The following TFRC variants were observed in gnomAD, a reference collection of about 807,000 sequenced individuals.
TFRC encodes transferrin receptor.
A neutral mutation model predicts 85.8 loss-of-function variants in TFRC; 35 were observed. That is an observed-to-expected ratio of 0.41 (90% confidence interval 0.31 to 0.54). The LOEUF (loss-of-function observed/expected upper bound fraction) is 0.54. TFRC is among the 20% of genes least tolerant of loss of function. TFRC has a pLI of 0.31. For missense variants in TFRC, 828 were observed against 921.5 expected, an observed-to-expected ratio of 0.90 and a Z score of 1.31; for synonymous variants, 362 against 328.6, an observed-to-expected ratio of 1.10 and a Z score of -1.10.
In TFRC at chr3:196,065,383, T is replaced by C. The variant is rs1717631202; in HGVS notation, c.1198+60A>G. ...CTCGCTCCTTCTCTAGCCACATCCT[T>C]AGGAACAGAAAAGAAAACAAAAAAA... On this transcript the variant is annotated intron_variant, in intron 10 of 18. Transcript: ENST00000360110. The C allele has an allele frequency of 3.0e-6, 3 of 1,008,420 alleles. No individual in the cohort carries two copies. In the East Asian group the frequency reaches 9.7e-5, roughly 33 times the overall value. The allele number at this position is 1,008,420 out of a possible 1,614,324, so 62.5% of individuals were successfully genotyped here.
chr3:196,065,422 G>GGGGGT (rs1717644905), intron 10 of TFRC, 21 bp downstream of exon 10: 1 of 501,656 alleles, frequency 2.0e-6, no homozygotes, highest in Non-Finnish European at 2.7e-6. Context: ...CGGGGCGGGG[G>GGGGGT]GGGGGGGGGG....
In TFRC at chr3:196,062,639, G is replaced by A. The variant is rs1577229787; in HGVS notation, c.1411C>T (p.Leu471Phe). 2 of 1,609,070 alleles carry A rather than the reference G, an allele frequency of 1.2e-6. No individual in the cohort carries two copies. Among genetic ancestry groups the A allele is most frequent in the Non-Finnish European group, 1.7e-6 (2 of 1,178,470 alleles). ...AAAGCCTTTAAATGCAGGGACGAAAGGTATCCCTAGAAGAGAAGGGAAAAC... is the reference window on the plus strand; with the variant it reads ...AAAGCCTTTAAATGCAGGGACGAAAAGTATCCCTAGAAGAGAAGGGAAAAC... Reference protein sequence around the residue: ...VGATEWLEGYLSSLHLKAFTY... With the variant: ...VGATEWLEGYFSSLHLKAFTY... The change falls in exon 13 of 19, where the codon CTT becomes TTT. Residue 471 changes from leucine to phenylalanine, a missense_variant. Transcript: ENST00000360110.
At position 196,050,937 on chromosome 3, in the gene TFRC, ATGC is replaced by A. The variant is rs1716256880; in HGVS notation, c.*1002_*1004del. 5.1e-6 allele frequency: 1 copy of A among 194,556 alleles called. No homozygotes were observed. The highest frequency in any genetic ancestry group is 1.1e-5 in the Non-Finnish European group (1 of 93,280). 12.1% of individuals were successfully genotyped at this position (194,556 alleles called of 1,614,324 possible). On this transcript the variant is annotated 3_prime_UTR_variant, in exon 19 of 19. Transcript: ENST00000360110. ...AGTATCTGTTGGGTTTTATTAGCAGATGCTGCTTTTATTTAAAAAAAACCGACA... is the reference window on the plus strand; with the variant it reads ...AGTATCTGTTGGGTTTTATTAGCAGATGCTTTTATTTAAAAAAAACCGACA...
Position 196,072,002 on chromosome 3 carries a change from CCTGT to C in TFRC, c.581_584del (p.Asp194AlafsTer6). On this transcript the variant is annotated frameshift_variant and splice_region_variant, in exon 5 of 19. Transcript: ENST00000360110. LOFTEE classifies it high-confidence loss of function. Reference sequence around the variant, plus strand: ...AATAAGTTTACCATCTTTCAACATACCTGTCTTTGACCTGAATCTTAACAAAATG... The same window carrying C: ...AATAAGTTTACCATCTTTCAACATACCTTTGACCTGAATCTTAACAAAATG... 6.2e-7 allele frequency: 1 copy of C among 1,611,036 alleles called. No homozygotes were observed. The highest frequency in any genetic ancestry group is 1.3e-5 in the African/African-American group (1 of 74,912).
At chr3:196,075,560 T>C (rs1560090320) in intron 2 of TFRC, among the ~76,000 whole-genome samples, 200 bp from the exon 3 acceptor site, 1 of 151,874 alleles carries the variant, frequency 6.6e-6, no homozygotes, top group Non-Finnish European at 1.5e-5. Context: ...CTCTCCCTTT[T>C]TGTAAATTTT....
intron 9 of TFRC, among the ~76,000 whole-genome samples, chr3:196,066,709 T>C (rs1363873252): frequency 6.6e-6 from 1 of 152,200 alleles, no homozygotes; most frequent in Non-Finnish European, 1.5e-5. Context: ...CACTCCCCTA[T>C]GCTAAAGGCC....
chr3:196,058,260 T>G (rs770934897), intron 16 of TFRC, 24 bp downstream of exon 16: 1 of 1,596,852 alleles, frequency 6.3e-7, no homozygotes, highest in African/African-American at 1.3e-5. Flanking sequence ...TCTCTCCATT[T>G]GTCATTTAAA....
chr3:196,054,403 C>CCG (rs1172552676), intron 17 of TFRC, among the ~76,000 whole-genome samples: 188 of 151,616 alleles, frequency 1.2e-3, no homozygotes, highest in Middle Eastern at 0.01. Context: ...GAGACTTCAT[C>CCG]TCTCAAAAAA....
chr3:196,052,292 CTTTTT>C lies in TFRC; in HGVS notation c.2041-113_2041-109del, dbSNP rs529214594. 0.026 allele frequency: 14,219 copies of C among 539,898 alleles called. 50 individuals carry two copies. The highest frequency in any genetic ancestry group is 0.057 in the African/African-American group (2,421 of 42,776). 33.4% of individuals were successfully genotyped at this position (539,898 alleles called of 1,614,324 possible). On this transcript the variant is annotated intron_variant, in intron 18 of 18. Coordinates refer to ENST00000360110, the MANE Select transcript of TFRC (RefSeq NM_001128148.3). ...CCCAAATTTAAGAATGCCGATCAGA[CTTTTT>C]TTTTTTTTTTTTTTTTTTGACACAG...
Position 196,072,274 on chromosome 3 carries a change from T to A in TFRC, c.435-122A>T, listed in dbSNP as rs935035165. The A allele has an allele frequency of 6.0e-6, 8 of 1,326,554 alleles. No homozygotes were observed. In the African/African-American group the frequency reaches 1.0e-4, roughly 17 times the overall value. The allele number at this position is 1,326,554 out of a possible 1,614,324, so 82.2% of individuals were successfully genotyped here. On this transcript the variant is annotated intron_variant, in intron 4 of 18. Transcript: ENST00000360110. ...TCCCTCATAGTTCAGATAAATGAACTGTGACCCAAAACTTCTAGACTGACC... is the reference window on the plus strand; with the variant it reads ...TCCCTCATAGTTCAGATAAATGAACAGTGACCCAAAACTTCTAGACTGACC...
chr3:196,073,918 G>T lies in TFRC; in HGVS notation c.434+12C>A. The T allele has an allele frequency of 6.2e-7, 1 of 1,608,182 alleles. No individual in the cohort carries two copies. Among genetic ancestry groups the T allele is most frequent in the Non-Finnish European group, 8.5e-7 (1 of 1,176,222 alleles). On this transcript the variant is annotated intron_variant, in intron 4 of 18. Coordinates refer to ENST00000360110, the MANE Select transcript of TFRC (RefSeq NM_001128148.3). Reference sequence around the variant, plus strand: ...TACTTGTCTAGATACTTGCACAGCAGCTGGCACTCACTTGATGGTGCCGGT... The same window carrying T: ...TACTTGTCTAGATACTTGCACAGCATCTGGCACTCACTTGATGGTGCCGGT...
At chr3:196,068,985 T>C (rs978224726) in intron 7 of TFRC, among the ~76,000 whole-genome samples, 1 of 151,916 alleles carries the variant, frequency 6.6e-6, no homozygotes, top group South Asian at 2.1e-4. Context: ...GACAACCACT[T>C]TTTTGAGTCT....
chr3:196,077,206 T>A (rs899690530), intron 1 of TFRC, 84 bp from the exon 2 acceptor site: 1 of 905,670 alleles, frequency 1.1e-6, no homozygotes, highest in African/African-American at 1.7e-5. Context: ...AAATGATACA[T>A]TAAATTTTTA....
chr3:196,079,662 G>A (rs1379075427), intron 1 of TFRC, among the ~76,000 whole-genome samples: 1 of 152,130 alleles, frequency 6.6e-6, no homozygotes, highest in Non-Finnish European at 1.5e-5. Context: ...GTTATCTTTG[G>A]TGTTCTCAAT....
chr3:196,070,187 A>G (rs941804711), intron 6 of TFRC, among the ~76,000 whole-genome samples: 5 of 152,184 alleles, frequency 3.3e-5, no homozygotes, highest in African/African-American at 1.2e-4. Context: ...ACAAGTATCC[A>G]GAAAGGCAAG....
chr3:196,058,218 C>A, intron 16 of TFRC, 66 bp downstream of exon 16: 1 of 1,374,862 alleles, frequency 7.3e-7, no homozygotes. Flanking sequence ...ATGCCCTATT[C>A]CCAAATACAG....
At chr3:196,055,937 C>G (rs562288021) in intron 16 of TFRC, among the ~76,000 whole-genome samples, 27 of 152,014 alleles carry the variant, frequency 1.8e-4, no homozygotes, top group African/African-American at 6.0e-4. Context: ...CGAGGTCACT[C>G]TGTCACCCAG....
chr3:196,053,524 G>A lies in TFRC; in HGVS notation c.1934C>T (p.Ala645Val). The change falls in exon 18 of 19, where the codon GCT becomes GTT. Residue 645 changes from alanine (A) to valine (V), a missense_variant. Ala to Val is a moderately conservative substitution (Grantham distance 64). Transcript: ENST00000360110. ...AGTAGCACGGAAGAAGTCTCCACGA[G>A]CAGAATACAGCCACTGTAAACTCAG... ...MGLSLQWLYSARGDFFRATSR... is the reference protein window; with the variant it reads ...MGLSLQWLYSVRGDFFRATSR... The A allele has an allele frequency of 1.2e-6, 2 of 1,614,174 alleles. No individual in the cohort carries two copies. Among genetic ancestry groups the A allele is most frequent in the Non-Finnish European group, 1.7e-6 (2 of 1,180,028 alleles).
chr3:196,071,280 A>T lies in TFRC; in HGVS notation c.687+116T>A, dbSNP rs1179306283. ...GTGTCATTAGAGGGTTGAAAACCAA[A>T]ATATCTCATGATCATTTACATTTTA... is the stretch of plus-strand genomic sequence containing the variant. On this transcript the variant is annotated intron_variant, in intron 6 of 18. Transcript: ENST00000360110. 5.0e-6 allele frequency: 5 copies of T among 1,005,626 alleles called. No homozygotes were observed. In the African/African-American group the frequency reaches 8.1e-5, roughly 16 times the overall value. 62.3% of individuals were successfully genotyped at this position (1,005,626 alleles called of 1,614,324 possible). A position where few individuals can be genotyped will look rare whatever the true frequency, so the allele number is the denominator to read the frequency against.
Sources: allele counts gnomAD v4.1 joint callset (sites outside exome capture counted in the v4.1 genomes callset), GRCh38; gene constraint gnomAD v4.1.1; transcripts MANE v1.5; gene names NCBI Gene and HGNC (gene_info 2026-07-23, HGNC 2026-07-21).